NF1: variants seen among roughly 807,000 people sequenced by gnomAD.
NF1 encodes the protein neurofibromin.
In NF1, 122 loss-of-function variants were observed where a neutral mutation model predicts 325.7. That is an observed-to-expected ratio of 0.37 (90% CI 0.32 to 0.44). The LOEUF is 0.44. NF1 is among the 20% of genes least tolerant of loss of function. The probability of loss-of-function intolerance (pLI) is 1.00; values close to 1 mark genes in which losing one functional copy is unlikely to be tolerated. For missense variants in NF1, 2,140 were observed against 3,415.4 expected (o/e 0.63, Z 9.31); for synonymous variants, 1,091 against 1,186.0 (o/e 0.92, Z 1.65).
chr17:31,305,401 G>A (rs185652683), intron 36 of NF1: 1 of 1,614,182 alleles, frequency 6.2e-7, no homozygotes, highest in Admixed American at 1.7e-5. Flanking sequence ...AGGTGATATT[G>A]ATTGTCCAGA....
At chr17:31,362,424 C>G in intron 57 of NF1, 1 of 831,448 alleles carries the variant, frequency 1.2e-6, no homozygotes, top group Non-Finnish European at 1.5e-6. Context: ...TTTAGAAGAG[C>G]TGGGTTAACT....
chr17:31,235,526 G>T, intron 27 of NF1, 85 bp from the exon 28 acceptor site: 1 of 1,477,574 alleles, frequency 6.8e-7, no homozygotes, highest in Non-Finnish European at 9.4e-7. Flanking sequence ...TCAACTTTGG[G>T]TTTACATTTT....
intron 35 of NF1, 55 bp from the exon 36 acceptor site, chr17:31,265,173 TA>T: frequency 8.4e-7 from 1 of 1,191,904 alleles, no homozygotes; most frequent in Non-Finnish European, 1.2e-6. Flanking sequence ...TAGACTTTTT[TA>T]CATACTCAGT....
At chr17:31,348,885 G>T (rs993815033) in intron 48 of NF1, among the ~76,000 whole-genome samples, 3 of 151,918 alleles carry the variant, frequency 2.0e-5, no homozygotes, top group Non-Finnish European at 1.5e-5. Flanking sequence ...CTGGAGTACT[G>T]TAGAGTTCTA....
At chr17:31,108,535 C>CA (rs1269121184) in intron 1 of NF1, among the ~76,000 whole-genome samples, 2 of 152,082 alleles carry the variant, frequency 1.3e-5, no homozygotes, top group Non-Finnish European at 2.9e-5. Flanking sequence ...CTCAGTCTCC[C>CA]AAAGTGCTGG....
At chr17:31,133,583 A>C (rs1029326841) in intron 1 of NF1, 1 of 152,180 alleles carries the variant, frequency 6.6e-6, no homozygotes, top group South Asian at 2.1e-4. Flanking sequence ...TATATGCACT[A>C]TTTTACTTTC....
chr17:31,221,315 T>C (rs1324274797), intron 14 of NF1, among the ~76,000 whole-genome samples: 1 of 152,166 alleles, frequency 6.6e-6, no homozygotes, highest in Non-Finnish European at 1.5e-5. Context: ...TGAAATACTT[T>C]AGAATGGATA....
At chr17:31,266,667 G>A (rs1252438767) in intron 36 of NF1, among the ~76,000 whole-genome samples, 2 of 151,544 alleles carry the variant, frequency 1.3e-5, no homozygotes, top group African/African-American at 4.8e-5. Flanking sequence ...GGTAGAAGAT[G>A]TGTTTCCCCC....
In NF1 at chr17:31,326,110, T is replaced by C. The variant is rs876660316; in HGVS notation, c.5126T>C (p.Ile1709Thr). The C allele has an allele frequency of 6.2e-7, 1 of 1,613,308 alleles. No individual in the cohort carries two copies. Among genetic ancestry groups the C allele is most frequent in the African/African-American group, 1.3e-5 (1 of 74,838 alleles). ...GLKGSKRLVFIDCPGKLAEHI... is the reference protein window; with the variant it reads ...GLKGSKRLVFTDCPGKLAEHI... ...AAAGGTAGCAAAAGGCTTGTTTTCA[T>C]AGACTGTCCTGGGAAACTGGCTGAG... The change falls in exon 37 of 58, where the codon ATA (isoleucine) becomes ACA (threonine). Residue 1709 changes from isoleucine to threonine, a missense_variant. Transcript: ENST00000358273.
At chr17:31,115,443 T>G (rs1913815660) in intron 1 of NF1, among the ~76,000 whole-genome samples, 2 of 152,202 alleles carry the variant, frequency 1.3e-5, no homozygotes, top group African/African-American at 4.8e-5. Context: ...ATCAAAGTCG[T>G]AGGTACTTGA....
intron 12 of NF1, among the ~76,000 whole-genome samples, chr17:31,209,707 G>A (rs973235729): frequency 1.3e-5 from 2 of 152,170 alleles, no homozygotes; most frequent in Admixed American, 6.5e-5. Flanking sequence ...TGGAGTGAGT[G>A]CAGTGATGCA....
intron 36 of NF1, among the ~76,000 whole-genome samples, chr17:31,283,180 G>T (rs965157499): frequency 3.3e-5 from 5 of 152,120 alleles, no homozygotes; most frequent in African/African-American, 9.6e-5. Flanking sequence ...CACTTTGGGA[G>T]GCCGAGGCGG....
intron 29 of NF1, among the ~76,000 whole-genome samples, chr17:31,248,074 T>A (rs772965133): frequency 1.3e-5 from 2 of 152,090 alleles, no homozygotes; most frequent in Non-Finnish European, 2.9e-5. Context: ...TGGTGGCCCA[T>A]GCCTGTAATC....
intron 38 of NF1, among the ~76,000 whole-genome samples, chr17:31,329,028 C>A (rs1419051404): frequency 1.3e-5 from 2 of 151,946 alleles, no homozygotes; most frequent in Admixed American, 6.6e-5. Flanking sequence ...ACAAGCTGAG[C>A]ACTGGCACTG....
chr17:31,374,466 G>T lies in NF1; in HGVS notation c.*311G>T, dbSNP rs1567634787. 3 of 463,544 alleles carry T rather than the reference G, an allele frequency of 6.5e-6. No homozygotes were observed. The highest frequency in any genetic ancestry group is 8.0e-6 in the Non-Finnish European group (2 of 250,836). The allele number at this position is 463,544 out of a possible 1,614,324, so 28.7% of individuals were successfully genotyped here. On this transcript the variant is annotated 3_prime_UTR_variant, in exon 58 of 58. Transcript: ENST00000358273. The stretch of plus-strand genomic sequence containing the variant: ...AGAAATCTCAATTGTAAGAGAGGAT[G>T]AATTCTTGAATACTGCTACTACTGG...
At chr17:31,121,367 G>T (rs1914412199) in intron 1 of NF1, among the ~76,000 whole-genome samples, 1 of 147,404 alleles carries the variant, frequency 6.8e-6, no homozygotes, top group Non-Finnish European at 1.5e-5. Flanking sequence ...AATATTTATT[G>T]AGTCCCTTCT....
At chr17:31,228,526 C>T (rs1392177701) in intron 20 of NF1, among the ~76,000 whole-genome samples, 1 of 152,046 alleles carries the variant, frequency 6.6e-6, no homozygotes, top group East Asian at 1.9e-4. Flanking sequence ...GTTGTGCAAC[C>T]ATCACCACAA....
intron 36 of NF1, among the ~76,000 whole-genome samples, chr17:31,323,588 T>G (rs1437377728): frequency 6.6e-6 from 1 of 152,232 alleles, no homozygotes; most frequent in Non-Finnish European, 1.5e-5. Flanking sequence ...TGGGCAGTTA[T>G]GGTCTCTCCA....
chr17:31,230,089 C>T (rs1030367610), intron 22 of NF1, 115 bp downstream of exon 22: 1 of 1,437,796 alleles, frequency 7.0e-7, no homozygotes, highest in African/African-American at 1.4e-5. Context: ...TGCACACAAA[C>T]TAGGGTGTGA....
Sources: allele counts gnomAD v4.1 joint callset (sites outside exome capture counted in the v4.1 genomes callset), GRCh38; gene constraint gnomAD v4.1.1; transcripts MANE v1.5; gene names NCBI Gene and HGNC (gene_info 2026-07-23, HGNC 2026-07-21).